GFAP: variants seen among roughly 807,000 people sequenced by gnomAD.
The protein encoded by GFAP is glial fibrillary acidic protein.
Under a neutral mutation model 49.3 loss-of-function variants are expected in GFAP, and 38 were observed. The ratio of observed to expected loss-of-function variants is 0.77; its 90% CI spans 0.60 to 1.01. The LOEUF is 1.01. Among genes scored for constraint, GFAP ranks in the 50% least tolerant of loss-of-function variants. The pLI, the probability that GFAP is intolerant of heterozygous loss-of-function variation, is 0.00. For missense variants in GFAP, 463 were observed against 579.1 expected (o/e 0.80, Z 2.06); for synonymous variants, 222 against 236.4 (o/e 0.94, Z 0.56).
chr17:44,909,986 C>G lies in GFAP; in HGVS notation c.1171+629G>C, dbSNP rs761739283. The G allele has an allele frequency of 4.0e-6, 6 of 1,517,568 alleles. No homozygotes were observed. In the African/African-American group the frequency reaches 8.3e-5, roughly 21 times the overall value. 94.0% of individuals were successfully genotyped at this position (1,517,568 alleles called of 1,614,324 possible). ...CAGTTACTCTGTACCACGTCCTGGG[C>G]TGGGCACTGCAGTTCCTGGGAAAAT... On this transcript the variant is annotated intron_variant, in intron 7 of 8. Coordinates refer to ENST00000588735, the MANE Select transcript of GFAP (RefSeq NM_002055.5).
intron 7 of GFAP, chr17:44,908,422 A>C: frequency 2.6e-6 from 1 of 386,824 alleles, no homozygotes; most frequent in Admixed American, 4.2e-5. Flanking sequence ...CTGAAAACCC[A>C]GCACGGTATT....
Position 44,905,068 on chromosome 17 carries a change from C to G in GFAP, c.*2279G>C. 6.5e-7 allele frequency: 1 copy of G among 1,535,170 alleles called. No homozygotes were observed. Among genetic ancestry groups the G allele is most frequent in the Non-Finnish European group, 8.8e-7 (1 of 1,136,630 alleles). The stretch of plus-strand genomic sequence containing the variant: ...TTCACTGTTGTCCCAGCTTCTCCCC[C>G]TAGGAGCTCTCTTCAGCTCTGAAGA... On this transcript the variant is annotated 3_prime_UTR_variant, in exon 9 of 9. Coordinates refer to ENST00000588735, the MANE Select transcript of GFAP (RefSeq NM_002055.5).
chr17:44,904,451 G>A lies in GFAP; in HGVS notation c.*2896C>T, dbSNP rs1229822309. ...CCTCTCCCCACGCTACCTCAAGGCCGTGCCCGATGTGGTGTCTTGTGGCTC... is the reference window on the plus strand; with the variant it reads ...CCTCTCCCCACGCTACCTCAAGGCCATGCCCGATGTGGTGTCTTGTGGCTC... On this transcript the variant is annotated 3_prime_UTR_variant, in exon 9 of 9. Transcript: ENST00000588735. 1.3e-5 allele frequency: 20 copies of A among 1,542,214 alleles called. No individual in the cohort carries two copies. The highest frequency in any genetic ancestry group is 4.0e-5 in the Admixed American group (2 of 50,538).
intron 8 of GFAP, 25 bp from the exon 9 acceptor site, chr17:44,907,413 A>G (rs771507639): frequency 2.8e-5 from 43 of 1,563,386 alleles, no homozygotes; most frequent in Non-Finnish European, 3.6e-5. Flanking sequence ...GAACGTGCAC[A>G]GTGCAACAGT....
rs966273417 is a variant in GFAP, at chr17:44,904,760, C to T, written c.*2587G>A. ...AGACCGCCAGCACCTCTACCGCACA[C>T]AGTACCTGAAGGGTGTCAACAGGTC... On this transcript the variant is annotated 3_prime_UTR_variant, in exon 9 of 9. Transcript: ENST00000588735. The T allele has an allele frequency of 3.3e-5, 51 of 1,550,576 alleles. No individual in the cohort carries two copies. The highest frequency in any genetic ancestry group is 4.4e-5 in the Non-Finnish European group (50 of 1,147,034).
rs777180711 is a variant in GFAP, at chr17:44,913,330, G to T, written c.719C>A (p.Thr240Lys). 1 of 1,614,046 alleles carries T rather than the reference G, an allele frequency of 6.2e-7. No individual in the cohort carries two copies. Among genetic ancestry groups the T allele is most frequent in the African/African-American group, 1.3e-5 (1 of 74,924 alleles). Residue 240 changes from threonine to lysine, a missense_variant, in exon 4 of 9, where the codon ACG becomes AAG. Physicochemically the swap from Thr to Lys is moderately conservative, Grantham distance 78. This residue lies in a region of GFAP where 362 missense variants were observed against 445.5 expected (regional missense o/e 0.81). Coordinates refer to ENST00000588735, the MANE Select transcript of GFAP (RefSeq NM_002055.5). The part of the protein sequence containing the change: ...DLTAALKEIR[T>K]QYEAMASSNM... ...GCTGGACGCCATTGCCTCATACTGCGTGCGGATCTCTTTCAGGGCTGCGGT... is the reference window on the plus strand; with the variant it reads ...GCTGGACGCCATTGCCTCATACTGCTTGCGGATCTCTTTCAGGGCTGCGGT...
chr17:44,906,775 T>C lies in GFAP; in HGVS notation c.*572A>G, dbSNP rs929942141. The C allele has an allele frequency of 1.1e-5, 2 of 183,412 alleles. No individual in the cohort carries two copies. The highest frequency in any genetic ancestry group is 4.7e-5 in the African/African-American group (2 of 42,316). 11.4% of individuals were successfully genotyped at this position (183,412 alleles called of 1,614,324 possible). On this transcript the variant is annotated 3_prime_UTR_variant, in exon 9 of 9. Transcript: ENST00000588735. ...AGGAGGCTGAGGTGGGTAGACTGCT[T>C]GAGCCCAGGAGTTCAAGGTCAGCCT...
chr17:44,915,199 C>T lies in GFAP; in HGVS notation c.288G>A (p.Ala96=), dbSNP rs779815330. The change falls in exon 1 of 9, where the codon GCG becomes GCA. Residue 96 remains alanine, a synonymous_variant. Transcript: ENST00000588735. This position sits in a 1 kb window ranked among gnomAD's most constrained non-coding sequence, Gnocchi z 4.1. ...KVRFLEQQNK[A]LAAELNQLRA... ...GCAGCTGGTTCAGCTCAGCAGCCAG[C>T]GCCTTGTTTTGCTGTTCCAGGAAGC... The T allele has an allele frequency of 1.9e-5, 31 of 1,614,104 alleles. No individual in the cohort carries two copies. The highest frequency in any genetic ancestry group is 1.2e-4 in the Admixed American group (7 of 60,010).
rs764845464 is a variant in GFAP, at chr17:44,908,117, C to T, written c.1204G>A (p.Gly402Ser). 13 of 1,609,678 alleles carry T rather than the reference C, an allele frequency of 8.1e-6. No individual in the cohort carries two copies. In the Admixed American group the frequency reaches 1.7e-4, roughly 21 times the overall value. The change falls in exon 8 of 9, where the codon GGC becomes AGC. Residue 402 changes from glycine to serine, a missense_variant. By Grantham distance (56) the Gly-to-Ser change is moderately conservative (BLOSUM62 0). This residue lies in a region of GFAP where 362 missense variants were observed against 445.5 expected (regional missense o/e 0.81). Coordinates refer to ENST00000588735, the MANE Select transcript of GFAP (RefSeq NM_002055.5). Reference sequence around the variant, plus strand: ...ACCACGATGTTCCTCTTGAGGTGGCCTTCTGACACAGACTTGGTGTCCAGG... The same window carrying T: ...ACCACGATGTTCCTCTTGAGGTGGCTTTCTGACACAGACTTGGTGTCCAGG... ...TSLDTKSVSE[G>S]HLKRNIVVKT...
chr17:44,910,201 T>C, intron 7 of GFAP: 2 of 1,613,962 alleles, frequency 1.2e-6, no homozygotes, highest in Middle Eastern at 1.6e-4. Context: ...ACTCGTATTG[T>C]GAGGCTTTTG....
rs1315095147 is a variant in GFAP, at chr17:44,907,074, G to A, written c.*273C>T. ...TTCTCTCCTTCCTCCTCATTCTAAC[G>A]CAAGCTGCTGGCCATGCCCCTCCAG... On this transcript the variant is annotated 3_prime_UTR_variant, in exon 9 of 9. Transcript: ENST00000588735. 16 of 552,016 alleles carry A rather than the reference G, an allele frequency of 2.9e-5. No individual in the cohort carries two copies. Among genetic ancestry groups the A allele is most frequent in the African/African-American group, 3.8e-5 (2 of 52,830 alleles). The allele number at this position is 552,016 out of a possible 1,614,324, so 34.2% of individuals were successfully genotyped here.
chr17:44,903,474 A>C lies in GFAP; in HGVS notation c.*3873T>G, dbSNP rs912390328. On this transcript the variant is annotated 3_prime_UTR_variant, in exon 9 of 9. Coordinates refer to ENST00000588735, the MANE Select transcript of GFAP (RefSeq NM_002055.5). ...TGGCAGGGCAGGGCCTGGAGCACTGAGGCAGAGATCTCCCTGCCCGAGCAC... is the reference window on the plus strand; with the variant it reads ...TGGCAGGGCAGGGCCTGGAGCACTGCGGCAGAGATCTCCCTGCCCGAGCAC... 1.3e-4 allele frequency: 170 copies of C among 1,270,034 alleles called. No homozygotes were observed. The highest frequency in any genetic ancestry group is 1.6e-4 in the Non-Finnish European group (162 of 1,010,914). 78.7% of individuals were successfully genotyped at this position (1,270,034 alleles called of 1,614,324 possible). A position where few individuals can be genotyped will look rare whatever the true frequency, so the allele number is the denominator to read the frequency against.
chr17:44,904,056 C>T lies in GFAP; in HGVS notation c.*3291G>A. 6.4e-7 allele frequency: 1 copy of T among 1,550,680 alleles called. No homozygotes were observed. Among genetic ancestry groups the T allele is most frequent in the Non-Finnish European group, 8.7e-7 (1 of 1,147,016 alleles). On this transcript the variant is annotated 3_prime_UTR_variant, in exon 9 of 9. Coordinates refer to ENST00000588735, the MANE Select transcript of GFAP (RefSeq NM_002055.5). ...CAAAAGCACCTAGGTAGCAGCCACA[C>T]CAAAGTGCTGACGGACTTTGATGGG...
chr17:44,910,689 G>A (rs768874244), intron 6 of GFAP, 31 bp from the exon 7 acceptor site: 10 of 1,574,834 alleles, frequency 6.3e-6, no homozygotes, highest in Middle Eastern at 1.8e-4. Flanking sequence ...AGGGCTGCCC[G>A]GGCTGCCTGG....
rs1375005534 is a variant in GFAP at position 44,911,449 on chromosome 17, G to C, written c.914C>G (p.Ser305Cys). The C allele has an allele frequency of 1.2e-6, 2 of 1,606,724 alleles. No individual in the cohort carries two copies. The highest frequency in any genetic ancestry group is 1.7e-6 in the Non-Finnish European group (2 of 1,177,100). The change falls in exon 6 of 9, where the codon TCC becomes TGC. Residue 305 changes from serine to cysteine, a missense_variant. Around this residue, in one of 3 missense-constraint regions of GFAP, gnomAD observed 362 missense variants for 445.5 expected, o/e 0.81. Transcript: ENST00000588735. ...CTGCTCGCGCATCTGCCTCTCCAGG[G>C]ACTCGTTCTGTGGGATGGAGCCGGC... is the stretch of plus-strand genomic sequence containing the variant. ...DLESLRGTNE[S>C]LERQMREQEE... is the part of the protein sequence containing the mutation.
rs1204932260 is a variant in GFAP at position 44,914,314 on chromosome 17, T to A, written c.462-226A>T. On this transcript the variant is annotated intron_variant, in intron 1 of 8. Transcript: ENST00000588735. The stretch of plus-strand genomic sequence containing the variant: ...TACTAAGGTGCCTTATCAGGGTTGG[T>A]GCACCTGCTTCTGCTCACACAGGCG... 1.0e-5 allele frequency: 6 copies of A among 572,888 alleles called. No individual in the cohort carries two copies. The East Asian group carries it at 1.7e-4, about 17-fold the overall frequency. The allele number at this position is 572,888 out of a possible 1,614,324, so 35.5% of individuals were successfully genotyped here. A position where few individuals can be genotyped will look rare whatever the true frequency, so the allele number is the denominator to read the frequency against.
At position 44,907,227 on chromosome 17, in the gene GFAP, G is replaced by A; in HGVS notation, c.*120C>T. 2.2e-6 allele frequency: 2 copies of A among 908,076 alleles called. No homozygotes were observed. The highest frequency in any genetic ancestry group is 3.6e-6 in the Non-Finnish European group (2 of 549,512). 56.3% of individuals were successfully genotyped at this position (908,076 alleles called of 1,614,324 possible). A position where few individuals can be genotyped will look rare whatever the true frequency, so the allele number is the denominator to read the frequency against. The stretch of plus-strand genomic sequence containing the variant: ...ACCTAGGGACAGAGGAGGGAGGGGA[G>A]CAGCTGGGGTGGTGGGGAGCTCAGG... On this transcript the variant is annotated 3_prime_UTR_variant, in exon 9 of 9. Coordinates refer to ENST00000588735, the MANE Select transcript of GFAP (RefSeq NM_002055.5).
rs981931668 is a variant in GFAP, at chr17:44,904,048, C to T, written c.*3299G>A. On this transcript the variant is annotated 3_prime_UTR_variant, in exon 9 of 9. Transcript: ENST00000588735. ...GGTTCTACCAAAAGCACCTAGGTAGCAGCCACACCAAAGTGCTGACGGACT... is the reference window on the plus strand; with the variant it reads ...GGTTCTACCAAAAGCACCTAGGTAGTAGCCACACCAAAGTGCTGACGGACT... 76 of 1,550,546 alleles carry T rather than the reference C, an allele frequency of 4.9e-5. No homozygotes were observed. The highest frequency in any genetic ancestry group is 6.8e-5 in the African/African-American group (5 of 73,062).
rs1161365015 is a variant in GFAP at position 44,914,094 on chromosome 17, G to A, written c.462-6C>T. 3.2e-6 allele frequency: 5 copies of A among 1,549,188 alleles called. No individual in the cohort carries two copies. Among genetic ancestry groups the A allele is most frequent in the East Asian group, 2.4e-5 (1 of 41,136 alleles). Reference sequence around the variant, plus strand: ...GGTTGGTTTCATCCTGGAGCCTGGAGTGGGGGGACACATTCCTGGGTCCAG... The same window carrying A: ...GGTTGGTTTCATCCTGGAGCCTGGAATGGGGGGACACATTCCTGGGTCCAG... On this transcript the variant is annotated splice_region_variant and splice_polypyrimidine_tract_variant and intron_variant, in intron 1 of 8. Coordinates refer to ENST00000588735, the MANE Select transcript of GFAP (RefSeq NM_002055.5).
Sources: allele counts gnomAD v4.1 joint callset, GRCh38; gene constraint gnomAD v4.1.1; regional missense constraint gnomAD v4.1.1; non-coding constraint Gnocchi (gnomAD v3.1); transcripts MANE v1.5; gene names NCBI Gene and HGNC (gene_info 2026-07-23, HGNC 2026-07-21).